JAKMIP1: variants seen among roughly 807,000 people sequenced by gnomAD.
JAKMIP1 encodes the protein janus kinase and microtubule-interacting protein 1.
In JAKMIP1, 33 loss-of-function variants were observed where a neutral mutation model predicts 113.0. The ratio of observed to expected loss-of-function variants is 0.29; its 90% CI spans 0.22 to 0.39. The LOEUF is 0.39. JAKMIP1 is among the 10% of genes least tolerant of loss of function. JAKMIP1 has a pLI of 1.00. For missense variants in JAKMIP1, 813 were observed against 1,080.5 expected (o/e 0.75, Z 3.47); for synonymous variants, 480 against 459.9 (o/e 1.04, Z -0.56).
chr4:6,099,053 TAC>T (rs1712564190), intron 3 of JAKMIP1, among the ~76,000 whole-genome samples: 1 of 152,264 alleles, frequency 6.6e-6, no homozygotes, highest in Non-Finnish European at 1.5e-5. Context: ...ATTGACTAAA[TAC>T]ACCTTTATCC....
chr4:6,073,697 T>G (rs537822892), intron 8 of JAKMIP1, among the ~76,000 whole-genome samples: 1 of 152,218 alleles, frequency 6.6e-6, no homozygotes, highest in Non-Finnish European at 1.5e-5. Context: ...GATATAATGT[T>G]CATTTTAAGA....
At position 6,065,543 on chromosome 4, in the gene JAKMIP1, AGTACTCTGAC is replaced by A. The variant is rs1257959051; in HGVS notation, c.1303-545_1303-536del. Among the ~76,000 whole-genome samples, 3 of 152,224 alleles carry A rather than the reference AGTACTCTGAC, an allele frequency of 2.0e-5. No homozygotes were observed. Among genetic ancestry groups the A allele is most frequent in the Non-Finnish European group, 2.9e-5 (2 of 68,036 alleles). ...GAGTGGAGAGCCCAGCCATAGTCCT[AGTACTCTGAC>A]TAGTGTGGCAAATGTGTGGCCCAAG... On this transcript the variant is annotated intron_variant, in intron 8 of 20. Transcript: ENST00000409021. This position sits in a 1 kb window ranked among gnomAD's most constrained non-coding sequence, Gnocchi z 5.1.
In JAKMIP1 at chr4:6,135,130, A is replaced by C. The variant is rs188681414; in HGVS notation, c.-147-22133T>G. On this transcript the variant is annotated intron_variant, in intron 1 of 20. Coordinates refer to ENST00000409021, the MANE Select transcript of JAKMIP1 (RefSeq NM_001099433.2). This position sits in a 1 kb window ranked among gnomAD's most constrained non-coding sequence, Gnocchi z 4.9. ...TCCTCTCCCATTCTCAAGCCATGGTATATGGGCTGACTCGTGTCCCTCCAA... is the reference window on the plus strand; with the variant it reads ...TCCTCTCCCATTCTCAAGCCATGGTCTATGGGCTGACTCGTGTCCCTCCAA... 2.0e-4 allele frequency among the ~76,000 whole-genome samples: 30 copies of C among 152,202 alleles called. No homozygotes were observed. The highest frequency in any genetic ancestry group is 2.0e-3 in the Admixed American group (30 of 15,282).
intron 3 of JAKMIP1, among the ~76,000 whole-genome samples, chr4:6,087,136 T>C (rs556438768): frequency 2.0e-5 from 3 of 152,322 alleles, no homozygotes; most frequent in African/African-American, 7.2e-5. Context: ...TTTCAGTGGA[T>C]TACAATCCAA....
intron 1 of JAKMIP1, among the ~76,000 whole-genome samples, chr4:6,191,913 T>TTTAATTTATTTA (rs1727297795): frequency 7.1e-6 from 1 of 141,054 alleles, no homozygotes; most frequent in African/African-American, 2.6e-5. Context: ...CAGGAGTGCA[T>TTTAATTTATTTA]TTTATTTATT....
rs1721551560 is a variant in JAKMIP1 at position 6,088,114 on chromosome 4, A to G, written c.625-2485T>C. Among the ~76,000 whole-genome samples the G allele has an allele frequency of 6.6e-6, 1 of 152,224 alleles. No homozygotes were observed. Among genetic ancestry groups the G allele is most frequent in the Non-Finnish European group, 1.5e-5 (1 of 68,038 alleles). On this transcript the variant is annotated intron_variant, in intron 3 of 20. Transcript: ENST00000409021. The surrounding 1 kb of genome is among the most constrained non-coding windows in gnomAD (Gnocchi z 5.5). ...GCTTTCATTAACTCAACACATGCTG[A>G]GCTGAGCGCTATCAGTGGGTGCTGA...
rs1359565949 is a variant in JAKMIP1, at chr4:6,157,628, C to T, written c.-148+42625G>A. 6.6e-6 allele frequency among the ~76,000 whole-genome samples: 1 copy of T among 152,150 alleles called. No individual in the cohort carries two copies. The highest frequency in any genetic ancestry group is 6.5e-5 in the Admixed American group (1 of 15,272). On this transcript the variant is annotated intron_variant, in intron 1 of 20. Coordinates refer to ENST00000409021, the MANE Select transcript of JAKMIP1 (RefSeq NM_001099433.2). This position sits in a 1 kb window ranked among gnomAD's most constrained non-coding sequence, Gnocchi z 4.7. Reference sequence around the variant, plus strand: ...CCGAGCTACAATCCCACCAGAATCCCAGCTCAGCCATCTTCCCCAGCGTAG... The same window carrying T: ...CCGAGCTACAATCCCACCAGAATCCTAGCTCAGCCATCTTCCCCAGCGTAG...
intron 19 of JAKMIP1, 134 bp from the exon 20 acceptor site, chr4:6,029,915 T>C: frequency 1.5e-6 from 1 of 671,388 alleles, no homozygotes; most frequent in South Asian, 1.7e-5. Context: ...TGAGCTCTGA[T>C]ACATGCACAA....
In JAKMIP1 at chr4:6,089,883, A is replaced by G. The variant is rs920648524; in HGVS notation, c.625-4254T>C. ...TAGGGCCTTTGCAGATGAAATGAAGATGCAAATTAAGATGAGGTTATACCA... is the reference window on the plus strand; with the variant it reads ...TAGGGCCTTTGCAGATGAAATGAAGGTGCAAATTAAGATGAGGTTATACCA... On this transcript the variant is annotated intron_variant, in intron 3 of 20. Transcript: ENST00000409021. This position sits in a 1 kb window ranked among gnomAD's most constrained non-coding sequence, Gnocchi z 5.3. 1.8e-4 allele frequency among the ~76,000 whole-genome samples: 28 copies of G among 152,200 alleles called. No individual in the cohort carries two copies. Among genetic ancestry groups the G allele is most frequent in the African/African-American group, 6.8e-4 (28 of 41,458 alleles).
In JAKMIP1 at chr4:6,033,299, G is replaced by A. The variant is rs115815664; in HGVS notation, c.2379+2605C>T. Among the ~76,000 whole-genome samples, 1,156 of 152,288 alleles carry A rather than the reference G, an allele frequency of 7.6e-3. 16 individuals are homozygous for A. The highest frequency in any genetic ancestry group is 0.026 in the African/African-American group (1,092 of 41,544). On this transcript the variant is annotated intron_variant, in intron 19 of 20. Coordinates refer to ENST00000409021, the MANE Select transcript of JAKMIP1 (RefSeq NM_001099433.2). ...GGGAGGGTCTGTCCATGGTTGAAGCGGGTAGCTAGTGCTTGGGCCAGATCA... is the reference window on the plus strand; with the variant it reads ...GGGAGGGTCTGTCCATGGTTGAAGCAGGTAGCTAGTGCTTGGGCCAGATCA...
At chr4:6,120,769 G>C (rs1319079206) in intron 1 of JAKMIP1, among the ~76,000 whole-genome samples, 1 of 152,194 alleles carries the variant, frequency 6.6e-6, no homozygotes, top group Non-Finnish European at 1.5e-5. Context: ...GCCAGCTTCA[G>C]CTCCTTCCAT....
chr4:6,177,653 G>T (rs1578477794), intron 1 of JAKMIP1, among the ~76,000 whole-genome samples: 1 of 152,146 alleles, frequency 6.6e-6, no homozygotes, highest in Non-Finnish European at 1.5e-5. Flanking sequence ...GGCACCCACT[G>T]CAGGGTCTGA....
rs999712359 is a variant in JAKMIP1, at chr4:6,140,244, T to C, written c.-147-27247A>G. Among the ~76,000 whole-genome samples the C allele has an allele frequency of 6.6e-6, 1 of 151,764 alleles. No individual in the cohort carries two copies. The highest frequency in any genetic ancestry group is 6.6e-5 in the Admixed American group (1 of 15,264). ...TTTGGGCTGCTCCCTATTTTTCTTT[T>C]TTCCTCTTTTTTTTTTTTTTTTCTG... On this transcript the variant is annotated intron_variant, in intron 1 of 20. Transcript: ENST00000409021. The surrounding 1 kb of genome is among the most constrained non-coding windows in gnomAD (Gnocchi z 9.4).
At chr4:6,083,440 A>G (rs1024454350) in intron 5 of JAKMIP1, among the ~76,000 whole-genome samples, 3 of 151,870 alleles carry the variant, frequency 2.0e-5, no homozygotes, top group Non-Finnish European at 4.4e-5. Flanking sequence ...TGGCAAACTT[A>G]TTAGTTTCTA....
chr4:6,105,413 C>G (rs1713735632), intron 3 of JAKMIP1, 60 bp downstream of exon 3: 1 of 1,473,776 alleles, frequency 6.8e-7, no homozygotes, highest in African/African-American at 1.4e-5. Flanking sequence ...CCGCATTTCC[C>G]CCATGCGTGC....
At chr4:6,095,614 G>A (rs1711601165) in intron 3 of JAKMIP1, among the ~76,000 whole-genome samples, 2 of 152,090 alleles carry the variant, frequency 1.3e-5, no homozygotes, top group African/African-American at 4.8e-5. Context: ...TCAGAAACTC[G>A]AGGCAGCAAA....
chr4:6,035,859 C>A, intron 19 of JAKMIP1, 45 bp downstream of exon 19: 2 of 1,498,866 alleles, frequency 1.3e-6, no homozygotes, highest in Non-Finnish European at 1.8e-6. Flanking sequence ...CACAGGACAA[C>A]AAGGGTGCCG....
intron 17 of JAKMIP1, among the ~76,000 whole-genome samples, chr4:6,041,055 G>A (rs112275574): frequency 6.6e-6 from 1 of 152,028 alleles, no homozygotes; most frequent in African/African-American, 2.4e-5. Context: ...ACATCCTAGT[G>A]GCCCCTGAAG....
Position 6,143,007 on chromosome 4 carries a change from C to T in JAKMIP1, c.-147-30010G>A, listed in dbSNP as rs192533697. On this transcript the variant is annotated intron_variant, in intron 1 of 20. Coordinates refer to ENST00000409021, the MANE Select transcript of JAKMIP1 (RefSeq NM_001099433.2). This position sits in a 1 kb window ranked among gnomAD's most constrained non-coding sequence, Gnocchi z 4.9. ...TATGAAAAGAAAAACTGCCTCGATG[C>T]CTTCTGGGGGCAGCCTGGTGGACTC... 8.6e-4 allele frequency among the ~76,000 whole-genome samples: 131 copies of T among 152,232 alleles called. No homozygotes were observed. Among genetic ancestry groups the T allele is most frequent in the Non-Finnish European group, 1.6e-3 (110 of 68,014 alleles).
Sources: allele counts gnomAD v4.1 joint callset (sites outside exome capture counted in the v4.1 genomes callset), GRCh38; gene constraint gnomAD v4.1.1; non-coding constraint Gnocchi (gnomAD v3.1); transcripts MANE v1.5; gene names NCBI Gene and HGNC (gene_info 2026-07-23, HGNC 2026-07-21).